The following RANBP17 variants were observed in gnomAD, a reference collection of about 807,000 sequenced individuals.
RANBP17 encodes the protein RAN binding protein 17.
RANBP17 carries 158 observed loss-of-function variants against 141.2 expected under a neutral mutation model. That is an observed-to-expected ratio of 1.12 (90% CI 0.98 to 1.28). The LOEUF (loss-of-function observed/expected upper bound fraction) is 1.28. Among genes scored for constraint, RANBP17 ranks in the 50% most tolerant of loss-of-function variants. The pLI is 0.00. For synonymous variants in RANBP17, 430 were observed against 450.0 expected (o/e 0.96, Z 0.56); for missense variants, 1,438 against 1,290.7 (o/e 1.11, Z -1.75).
intron 14 of RANBP17, among the ~76,000 whole-genome samples, chr5:171,063,576 G>C (rs1017246584): frequency 5.3e-5 from 8 of 152,206 alleles, no homozygotes; most frequent in Admixed American, 5.2e-4. Context: ...CCCTACTAGG[G>C]GGTGCCTCCC....
At chr5:170,955,199 A>G (rs752448656) in intron 13 of RANBP17, among the ~76,000 whole-genome samples, 2 of 152,118 alleles carry the variant, frequency 1.3e-5, no homozygotes, top group Non-Finnish European at 2.9e-5. Context: ...CACTGTGCTG[A>G]ACCCAAATTG....
Position 171,004,860 on chromosome 5 carries a change from C to T in RANBP17, c.1710+36483C>T, listed in dbSNP as rs145399959. 5.3e-3 allele frequency among the ~76,000 whole-genome samples: 807 copies of T among 152,266 alleles called. 3 individuals are homozygous for T. The highest frequency in any genetic ancestry group is 7.7e-3 in the Non-Finnish European group (526 of 68,020). On this transcript the variant is annotated intron_variant, in intron 14 of 27. Coordinates refer to ENST00000523189, the MANE Select transcript of RANBP17 (RefSeq NM_022897.5). ...GGCTTTTGGCATTTGAAGCAAGGTC[C>T]ATGAGGATGTTTTGAAGGAGCCCCT...
chr5:171,168,777 A>G (rs548844884), intron 14 of RANBP17, among the ~76,000 whole-genome samples: 2 of 152,288 alleles, frequency 1.3e-5, no homozygotes, highest in African/African-American at 4.8e-5. Context: ...GCTTTTCTGT[A>G]GGGCTCAGAA....
intron 14 of RANBP17, among the ~76,000 whole-genome samples, chr5:171,162,704 G>A (rs1329074615): frequency 3.3e-5 from 5 of 151,994 alleles, no homozygotes; most frequent in Non-Finnish European, 5.9e-5. Context: ...GTTAGAAATG[G>A]AAACCCCACT....
At chr5:170,933,804 T>C (rs1182899745) in intron 12 of RANBP17, among the ~76,000 whole-genome samples, 1 of 152,194 alleles carries the variant, frequency 6.6e-6, no homozygotes, top group African/African-American at 2.4e-5. Context: ...TCTGTTCTTT[T>C]ACATTTGCTG....
chr5:171,102,792 C>CTT (rs887416579), intron 14 of RANBP17, among the ~76,000 whole-genome samples: 1 of 147,972 alleles, frequency 6.8e-6, no homozygotes, highest in African/African-American at 2.5e-5. Context: ...CTTCGTTGTC[C>CTT]TTTTTTTTTT....
At chr5:170,913,696 A>G (rs1413771167) in intron 7 of RANBP17, among the ~76,000 whole-genome samples, 1 of 152,062 alleles carries the variant, frequency 6.6e-6, no homozygotes, top group Admixed American at 6.6e-5. Flanking sequence ...TACACACTGT[A>G]ATAGGAATGC....
chr5:171,290,004 T>G (rs534626968), intron 25 of RANBP17, among the ~76,000 whole-genome samples: 5 of 149,962 alleles, frequency 3.3e-5, no homozygotes, highest in Non-Finnish European at 5.9e-5. Flanking sequence ...CACTCTAGCC[T>G]TGGTGATAGT....
At chr5:171,120,218 A>G (rs1163246206) in intron 14 of RANBP17, among the ~76,000 whole-genome samples, 1 of 152,096 alleles carries the variant, frequency 6.6e-6, no homozygotes. Flanking sequence ...GTGGTGATTC[A>G]AGGCCCTCTT....
Position 171,258,156 on chromosome 5 carries a change from CA to C in RANBP17, c.2777-7524del, listed in dbSNP as rs1198752908. ...ACACACACACACACACACACACACA[CA>C]CACCCCTAGGAATGCATTTAACCAA... On this transcript the variant is annotated intron_variant, in intron 24 of 27. Coordinates refer to ENST00000523189, the MANE Select transcript of RANBP17 (RefSeq NM_022897.5). Among the ~76,000 whole-genome samples, 1,116 of 149,504 alleles carry C rather than the reference CA, an allele frequency of 7.5e-3. 17 individuals are homozygous for C. The highest frequency in any genetic ancestry group is 0.023 in the African/African-American group (943 of 40,266).
intron 14 of RANBP17, among the ~76,000 whole-genome samples, chr5:171,125,200 G>A (rs1756340963): frequency 6.6e-6 from 1 of 150,842 alleles, no homozygotes; most frequent in Non-Finnish European, 1.5e-5. Flanking sequence ...GGGAGGCTGA[G>A]GCATGAGAAT....
intron 11 of RANBP17, among the ~76,000 whole-genome samples, chr5:170,921,134 C>A (rs1772423675): frequency 6.6e-6 from 1 of 152,090 alleles, no homozygotes. Context: ...GTTGGCCTTG[C>A]TTTTGGTGTT....
intron 14 of RANBP17, among the ~76,000 whole-genome samples, chr5:171,027,471 A>G (rs1035907330): frequency 6.6e-6 from 1 of 152,108 alleles, no homozygotes; most frequent in Non-Finnish European, 1.5e-5. Context: ...AGATTTGCAT[A>G]TAGTATTGTA....
intron 24 of RANBP17, among the ~76,000 whole-genome samples, chr5:171,258,718 A>G (rs1561807499): frequency 6.6e-6 from 1 of 152,176 alleles, no homozygotes; most frequent in Non-Finnish European, 1.5e-5. Flanking sequence ...CTCACCATGT[A>G]AAAAAATCAA....
At chr5:171,255,796 T>C (rs559145753) in intron 24 of RANBP17, among the ~76,000 whole-genome samples, 4 of 152,276 alleles carry the variant, frequency 2.6e-5, no homozygotes, top group Non-Finnish European at 5.9e-5. Context: ...AAGTTGTAAA[T>C]GGTGGCTGAT....
chr5:170,898,982 AGGATTGTCTT>A (rs1182643985), intron 5 of RANBP17, among the ~76,000 whole-genome samples: 1 of 152,152 alleles, frequency 6.6e-6, no homozygotes, highest in Admixed American at 6.5e-5. Context: ...CTTTTTGCTT[AGGATTGTCTT>A]GGCTATATGG....
At chr5:171,173,250 T>C (rs1219100683) in intron 16 of RANBP17, among the ~76,000 whole-genome samples, 1 of 152,072 alleles carries the variant, frequency 6.6e-6, no homozygotes, top group Non-Finnish European at 1.5e-5. Context: ...AATGGATTTC[T>C]TTATTATAAT....
chr5:171,189,929 A>G lies in RANBP17; in HGVS notation c.2038+6499A>G, dbSNP rs143219770. Reference sequence around the variant, plus strand: ...TGTCAAGAGCAGCATAGATTCATATATTAAATGAAAAAAATAAAAACATTA... The same window carrying G: ...TGTCAAGAGCAGCATAGATTCATATGTTAAATGAAAAAAATAAAAACATTA... On this transcript the variant is annotated intron_variant, in intron 18 of 27. Transcript: ENST00000523189. 3.7e-4 allele frequency among the ~76,000 whole-genome samples: 56 copies of G among 152,328 alleles called. No homozygotes were observed. The East Asian group carries it at 0.011, about 29-fold the overall frequency.
intron 25 of RANBP17, among the ~76,000 whole-genome samples, chr5:171,275,963 G>C (rs986476706): frequency 6.6e-6 from 1 of 152,196 alleles, no homozygotes; most frequent in Non-Finnish European, 1.5e-5. Context: ...TTGTTTATCT[G>C]CTACTGGTTT....
Sources: gnomAD v4.1 joint callset for allele counts (sites outside exome capture counted in the v4.1 genomes callset) on GRCh38, gnomAD v4.1.1 for gene constraint, MANE v1.5 for transcripts, NCBI Gene and HGNC (gene_info 2026-07-23, HGNC 2026-07-21) for gene names.